Variants in COL28A1 observed in about 807,000 individuals in gnomAD.
The protein encoded by COL28A1 is collagen type XXVIII alpha 1 chain, also known as collagen alpha-1(XXVIII) chain.
In COL28A1, 161 loss-of-function variants were observed where a neutral mutation model predicts 150.2. The observed-to-expected ratio is 1.07, with a 90% CI of 0.94 to 1.22. The LOEUF (loss-of-function observed/expected upper bound fraction) is 1.22. Among genes scored for constraint, COL28A1 ranks in the 50% most tolerant of loss-of-function variants. The probability of loss-of-function intolerance (pLI) is 0.00; values close to 1 mark genes in which losing one functional copy is unlikely to be tolerated. For missense variants in COL28A1, 1,617 were observed against 1,388.3 expected (o/e 1.16, Z -2.62); for synonymous variants, 552 against 469.7 (o/e 1.18, Z -2.26).
intron 27 of COL28A1, among the ~76,000 whole-genome samples, chr7:7,390,633 T>C (rs940394309): frequency 1.3e-5 from 2 of 152,232 alleles, no homozygotes; most frequent in Admixed American, 1.3e-4. Flanking sequence ...GGGCTTTTTT[T>C]GCTTGGTAGG....
rs1379465770 is a variant in COL28A1, at chr7:7,373,272, G to A, written c.2634C>T (p.Ala878=). 3.7e-6 allele frequency: 6 copies of A among 1,614,014 alleles called. No individual in the cohort carries two copies. In the Admixed American group the frequency reaches 8.3e-5, roughly 22 times the overall value. ...MQYLGEGTYT[A]TALQAANDMF... ...TGTCGTTGGCTGCTTGCAGAGCAGT[G>A]GCTGTGTATGTGCCTTCCCCCAGAT... Residue 878 remains alanine (A), a synonymous_variant, in exon 32 of 35, where the codon GCC becomes GCT. Coordinates refer to ENST00000399429, the MANE Select transcript of COL28A1 (RefSeq NM_001037763.3). The surrounding 1 kb of genome is among the most constrained non-coding windows in gnomAD (Gnocchi z 4.1).
chr7:7,454,072 T>A lies in COL28A1; in HGVS notation c.1372-564A>T, dbSNP rs575225819. On this transcript the variant is annotated intron_variant, in intron 16 of 34. Coordinates refer to ENST00000399429, the MANE Select transcript of COL28A1 (RefSeq NM_001037763.3). ...ACAATATAAAGGAGGTTTTTATACA[T>A]GGGTATAAAAAAGGATATGCACATA... is the stretch of plus-strand genomic sequence containing the variant. 3.3e-5 allele frequency among the ~76,000 whole-genome samples: 5 copies of A among 152,258 alleles called. No homozygotes were observed. The South Asian group carries it at 8.3e-4, about 25-fold the overall frequency.
Position 7,381,618 on chromosome 7 carries a change from T to C in COL28A1, c.2137-6A>G, listed in dbSNP as rs937872246. On this transcript the variant is annotated splice_polypyrimidine_tract_variant and splice_region_variant and intron_variant, in intron 27 of 34. Coordinates refer to ENST00000399429, the MANE Select transcript of COL28A1 (RefSeq NM_001037763.3). ...CCTTGTGGTCCTTGTTCCCCCTACA[T>C]AGGATATGAGAAAGAGATGTTCTAT... The C allele has an allele frequency of 6.2e-6, 10 of 1,609,302 alleles. No homozygotes were observed. Among genetic ancestry groups the C allele is most frequent in the Middle Eastern group, 1.6e-4 (1 of 6,078 alleles).
the COL28A1 span, among the ~76,000 whole-genome samples, chr7:7,341,864 T>C: frequency 2.0e-5 from 3 of 152,158 alleles, no homozygotes; most frequent in Admixed American, 1.3e-4. Context: ...ATATGGTCCA[T>C]AAATATTTAC....
chr7:7,347,693 T>C, the COL28A1 span, among the ~76,000 whole-genome samples: 4 of 152,112 alleles, frequency 2.6e-5, no homozygotes, highest in Non-Finnish European at 5.9e-5. Context: ...CTAAATCTTA[T>C]ATAGTCTGTA....
At position 7,402,612 on chromosome 7, in the gene COL28A1, T is replaced by C. The variant is rs6966553; in HGVS notation, c.2136+15247A>G. ...CCAGTTCTATCAGGCACTAAATAAA[T>C]ATCAAGGCAAAACACTAAACAAGAC... is the stretch of plus-strand genomic sequence containing the variant. On this transcript the variant is annotated intron_variant, in intron 27 of 34. Transcript: ENST00000399429. 1.5e-3 allele frequency among the ~76,000 whole-genome samples: 231 copies of C among 152,268 alleles called. 5 individuals carry two copies. The highest frequency in any genetic ancestry group is 5.4e-3 in the African/African-American group (225 of 41,560).
At chr7:7,364,335 G>A (rs1221495105) in intron 33 of COL28A1, among the ~76,000 whole-genome samples, 1 of 152,154 alleles carries the variant, frequency 6.6e-6, no homozygotes. Flanking sequence ...ATTCGTAAAG[G>A]AATCCCTCCT....
At chr7:7,419,850 T>G in intron 26 of COL28A1, 35 bp downstream of exon 26, 1 of 1,418,956 alleles carries the variant, frequency 7.0e-7, no homozygotes, top group Non-Finnish European at 9.5e-7. Flanking sequence ...TGATGATATC[T>G]GACCCTCACA....
chr7:7,389,313 A>G (rs1476315526), intron 27 of COL28A1, among the ~76,000 whole-genome samples: 1 of 151,964 alleles, frequency 6.6e-6, no homozygotes, highest in Admixed American at 6.6e-5. Flanking sequence ...TTGTAGATGT[A>G]TAGTGTTATT....
intron 18 of COL28A1, among the ~76,000 whole-genome samples, chr7:7,445,945 G>GCCT: frequency 6.7e-6 from 1 of 149,904 alleles, no homozygotes; most frequent in Non-Finnish European, 1.5e-5. Context: ...CGCTACCTCC[G>GCCT]CCTCCCGGGT....
chr7:7,492,291 G>A (rs1417807159), intron 11 of COL28A1, among the ~76,000 whole-genome samples: 1 of 151,946 alleles, frequency 6.6e-6, no homozygotes, highest in Non-Finnish European at 1.5e-5. Context: ...TAAGAAGTCT[G>A]TAACCGATGT....
intron 31 of COL28A1, among the ~76,000 whole-genome samples, chr7:7,374,038 A>AAAAAAAAAATATATATATAT: frequency 3.5e-5 from 4 of 113,654 alleles, no homozygotes; most frequent in African/African-American, 1.5e-4. Context: ...AAAAAAAAAA[A>AAAAAAAAAATATATATATAT]ATATATATAT....
At chr7:7,440,928 G>A (rs546307964) in intron 20 of COL28A1, 67 bp from the exon 21 acceptor site, 2 of 777,360 alleles carry the variant, frequency 2.6e-6, no homozygotes, top group East Asian at 5.0e-5. Flanking sequence ...ATCTAGCAAG[G>A]ACCATAGCGG....
chr7:7,485,888 T>C lies in COL28A1; in HGVS notation c.1164+3501A>G, dbSNP rs536990191. On this transcript the variant is annotated intron_variant, in intron 13 of 34. Transcript: ENST00000399429. Reference sequence around the variant, plus strand: ...TAAATCTTAAGACCAGAAAAGTTAGTATAATTTCTCCAAGTGTATTCTTTT... The same window carrying C: ...TAAATCTTAAGACCAGAAAAGTTAGCATAATTTCTCCAAGTGTATTCTTTT... Among the ~76,000 whole-genome samples the C allele has an allele frequency of 7.9e-5, 12 of 152,294 alleles. No homozygotes were observed. The South Asian group carries it at 2.5e-3, about 32-fold the overall frequency.
At chr7:7,443,513 T>G (rs1301903151) in intron 20 of COL28A1, 72 bp downstream of exon 20, 37 of 1,586,320 alleles carry the variant, frequency 2.3e-5, no homozygotes, top group Non-Finnish European at 2.7e-5. Context: ...ACAATCAAAT[T>G]TCTTCTAAGT....
chr7:7,407,185 G>A (rs933989624), intron 27 of COL28A1, among the ~76,000 whole-genome samples: 2 of 151,988 alleles, frequency 1.3e-5, no homozygotes, highest in Admixed American at 6.6e-5. Flanking sequence ...TGTATAGATT[G>A]TAGAGAGGAA....
At chr7:7,486,995 A>G (rs1031518923) in intron 13 of COL28A1, among the ~76,000 whole-genome samples, 8 of 152,172 alleles carry the variant, frequency 5.3e-5, no homozygotes, top group African/African-American at 1.9e-4. Flanking sequence ...CTATTGTCTG[A>G]AAAAGATAGG....
chr7:7,382,635 G>A (rs570249983), intron 27 of COL28A1, among the ~76,000 whole-genome samples: 1 of 152,142 alleles, frequency 6.6e-6, no homozygotes, highest in Admixed American at 6.5e-5. Flanking sequence ...TTTGACTCTG[G>A]ATAATTATTA....
intron 31 of COL28A1, among the ~76,000 whole-genome samples, chr7:7,374,041 ATAT>A (rs1562490261): frequency 5.7e-5 from 7 of 123,170 alleles, no homozygotes; most frequent in African/African-American, 9.6e-5. Context: ...AAAAAAAAAT[ATAT>A]ATATATATAT....
Sources: gnomAD v4.1 joint callset for allele counts (sites outside exome capture counted in the v4.1 genomes callset) on GRCh38, gnomAD v4.1.1 for gene constraint, Gnocchi (gnomAD v3.1) non-coding constraint, MANE v1.5 for transcripts, NCBI Gene and HGNC (gene_info 2026-07-23, HGNC 2026-07-21) for gene names.